The following NCOR1 variants were observed in gnomAD, a reference collection of about 807,000 sequenced individuals.
NCOR1 encodes nuclear receptor corepressor 1.
In NCOR1, 63 loss-of-function variants were observed where a neutral mutation model predicts 288.1. The observed-to-expected ratio is 0.22, with a 90% CI of 0.18 to 0.27. The LOEUF (loss-of-function observed/expected upper bound fraction) is 0.27, where lower values mean the gene tolerates loss of function less well. Ranked by LOEUF, NCOR1 falls within the 10% of genes least tolerant of loss-of-function variation. The pLI is 1.00. For missense variants in NCOR1, 2,397 were observed against 3,019.2 expected, an observed-to-expected ratio of 0.79 and a Z score of 4.83; for synonymous variants, 1,007 against 1,065.9, an observed-to-expected ratio of 0.94 and a Z score of 1.08.
rs189094126 is a variant in NCOR1, at chr17:16,044,586, C to T, written c.6679+2365G>A. ...TCACTTCATCCGGCAACTACCACCA[C>T]GTCCGGCAGCGCCAGCCCCACACTT... On this transcript the variant is annotated intron_variant, in intron 42 of 45. Coordinates refer to ENST00000268712, the MANE Select transcript of NCOR1 (RefSeq NM_006311.4). 6.2e-3 allele frequency: 3,334 copies of T among 540,852 alleles called. 21 individuals carry two copies. The highest frequency in any genetic ancestry group is 8.6e-3 in the Non-Finnish European group (2,339 of 271,122). 33.5% of individuals were successfully genotyped at this position (540,852 alleles called of 1,614,324 possible).
rs545363878 is a variant in NCOR1 at position 16,071,822 on chromosome 17, A to C, written c.3896-157T>G. On this transcript the variant is annotated intron_variant, in intron 29 of 45. Coordinates refer to ENST00000268712, the MANE Select transcript of NCOR1 (RefSeq NM_006311.4). ...CTTGACATCTTGTAGTTTCTAATTA[A>C]CTTTCTGTTTACAGTAGATCCTCAA... Among the ~76,000 whole-genome samples, 12 of 152,250 alleles carry C rather than the reference A, an allele frequency of 7.9e-5. No individual in the cohort carries two copies. In the East Asian group the frequency reaches 2.3e-3, roughly 29 times the overall value.
chr17:16,204,537 T>C (rs2091257119), intron 1 of NCOR1, among the ~76,000 whole-genome samples: 1 of 152,222 alleles, frequency 6.6e-6, no homozygotes, highest in African/African-American at 2.4e-5. Flanking sequence ...TCCTGCGATA[T>C]ACAAGCAAAC....
At chr17:16,153,613 G>C (rs1383674457) in intron 6 of NCOR1, among the ~76,000 whole-genome samples, 1 of 151,776 alleles carries the variant, frequency 6.6e-6, no homozygotes, top group African/African-American at 2.4e-5. Context: ...AAATTGTATT[G>C]TCATAGCTTT....
At chr17:16,066,611 G>C (rs987673013) in intron 32 of NCOR1, among the ~76,000 whole-genome samples, 1 of 152,152 alleles carries the variant, frequency 6.6e-6, no homozygotes, top group Non-Finnish European at 1.5e-5. Flanking sequence ...AGAAAAACAA[G>C]TAACATGTTT....
rs1433708554 is a variant in NCOR1, at chr17:16,110,355, A to C, written c.2056-1443T>G. On this transcript the variant is annotated intron_variant, in intron 18 of 45. Coordinates refer to ENST00000268712, the MANE Select transcript of NCOR1 (RefSeq NM_006311.4). ...TGGGTGACAGTGAGACTCGTTCAAAAAAAAAACAAAAAACAAAAAAACAAA... is the reference window on the plus strand; with the variant it reads ...TGGGTGACAGTGAGACTCGTTCAAACAAAAAACAAAAAACAAAAAAACAAA... Among the ~76,000 whole-genome samples, 5 of 152,082 alleles carry C rather than the reference A, an allele frequency of 3.3e-5. No homozygotes were observed. The East Asian group carries it at 9.6e-4, about 29-fold the overall frequency.
chr17:16,196,480 G>A (rs1231634571), intron 1 of NCOR1, among the ~76,000 whole-genome samples: 1 of 152,064 alleles, frequency 6.6e-6, no homozygotes, highest in African/African-American at 2.4e-5. Context: ...GACCAGTCTG[G>A]GCAATGAAGC....
chr17:16,045,184 G>A (rs1222616200), intron 42 of NCOR1, among the ~76,000 whole-genome samples: 1 of 152,154 alleles, frequency 6.6e-6, no homozygotes, highest in African/African-American at 2.4e-5. Context: ...CAGAACATTA[G>A]CTAGAATATT....
intron 27 of NCOR1, 111 bp downstream of exon 27, chr17:16,075,423 G>T: frequency 8.4e-7 from 1 of 1,192,728 alleles, no homozygotes; most frequent in Non-Finnish European, 1.2e-6. Flanking sequence ...AGAAAACATA[G>T]GCTCAGCAAA....
chr17:16,038,457 G>C (rs1235928176), intron 44 of NCOR1, among the ~76,000 whole-genome samples: 1 of 149,572 alleles, frequency 6.7e-6, no homozygotes, highest in Non-Finnish European at 1.5e-5. Flanking sequence ...CCTTTTTTGA[G>C]ACAGGGTCTC....
intron 1 of NCOR1, among the ~76,000 whole-genome samples, chr17:16,209,110 C>A (rs900544910): frequency 3.3e-5 from 5 of 151,920 alleles, no homozygotes; most frequent in African/African-American, 1.2e-4. Context: ...AAAGGGCTTA[C>A]GGTCTAGAGG....
chr17:16,084,807 T>C (rs941434228), intron 23 of NCOR1, among the ~76,000 whole-genome samples: 5 of 152,212 alleles, frequency 3.3e-5, no homozygotes, highest in Admixed American at 3.3e-4. Context: ...AAAAATTAAT[T>C]TGAGACTGGT....
intron 1 of NCOR1, among the ~76,000 whole-genome samples, chr17:16,210,345 T>C (rs770929381): frequency 2.6e-5 from 4 of 151,074 alleles, no homozygotes; most frequent in South Asian, 2.1e-4. Context: ...GACAGCGCCA[T>C]TGCACTCCAG....
chr17:16,164,623 C>T lies in NCOR1; in HGVS notation c.618+356G>A, dbSNP rs59952700. On this transcript the variant is annotated intron_variant, in intron 5 of 45. Coordinates refer to ENST00000268712, the MANE Select transcript of NCOR1 (RefSeq NM_006311.4). ...TACTTCTTAGCAAATTTAGTATCAT[C>T]TATTAAATAGTTCACTGTACATAAT... Among the ~76,000 whole-genome samples, 1,204 of 152,202 alleles carry T rather than the reference C, an allele frequency of 7.9e-3. 15 individuals are homozygous for T. Among genetic ancestry groups the T allele is most frequent in the African/African-American group, 0.028 (1,159 of 41,514 alleles).
rs1374674772 is a variant in NCOR1, at chr17:16,029,623, C to A, written c.*2673G>T. Reference sequence around the variant, plus strand: ...AGTGTCAGAACACTGAAATCTAAGTCTACAAAGAATATCATGTTTTGGTTT... The same window carrying A: ...AGTGTCAGAACACTGAAATCTAAGTATACAAAGAATATCATGTTTTGGTTT... On this transcript the variant is annotated 3_prime_UTR_variant, in exon 46 of 46. Coordinates refer to ENST00000268712, the MANE Select transcript of NCOR1 (RefSeq NM_006311.4). 1 of 174,252 alleles carries A rather than the reference C, an allele frequency of 5.7e-6. No homozygotes were observed. The highest frequency in any genetic ancestry group is 1.2e-5 in the Non-Finnish European group (1 of 81,188). The allele number at this position is 174,252 out of a possible 1,614,324, so 10.8% of individuals were successfully genotyped here.
intron 23 of NCOR1, among the ~76,000 whole-genome samples, chr17:16,085,432 T>C (rs2064074981): frequency 6.6e-6 from 1 of 152,170 alleles, no homozygotes; most frequent in Non-Finnish European, 1.5e-5. Context: ...ATTACAAGAA[T>C]GACCAGCTTT....
chr17:16,057,751 A>T lies in NCOR1; in HGVS notation c.6169-14T>A. On this transcript the variant is annotated splice_polypyrimidine_tract_variant and intron_variant, in intron 39 of 45. Coordinates refer to ENST00000268712, the MANE Select transcript of NCOR1 (RefSeq NM_006311.4). Reference sequence around the variant, plus strand: ...TGTGATAATTTGCTGTGAATGAGAAATGAAGGAAGTGGTAAAATTCATTGA... The same window carrying T: ...TGTGATAATTTGCTGTGAATGAGAATTGAAGGAAGTGGTAAAATTCATTGA... 1 of 1,611,120 alleles carries T rather than the reference A, an allele frequency of 6.2e-7. No individual in the cohort carries two copies. Among genetic ancestry groups the T allele is most frequent in the Non-Finnish European group, 8.5e-7 (1 of 1,177,726 alleles).
chr17:16,030,841 C>G lies in NCOR1; in HGVS notation c.*1455G>C, dbSNP rs1055709371. 1.6e-5 allele frequency: 3 copies of G among 185,872 alleles called. No individual in the cohort carries two copies. The highest frequency in any genetic ancestry group is 7.0e-5 in the African/African-American group (3 of 42,730). 11.5% of individuals were successfully genotyped at this position (185,872 alleles called of 1,614,324 possible). Reference sequence around the variant, plus strand: ...GAGGGTCTTGGTCAGTAGCTAATCACAGAGCTGCTTCCTTAAAAGCCTTGA... The same window carrying G: ...GAGGGTCTTGGTCAGTAGCTAATCAGAGAGCTGCTTCCTTAAAAGCCTTGA... On this transcript the variant is annotated 3_prime_UTR_variant, in exon 46 of 46. Transcript: ENST00000268712.
chr17:16,092,725 G>C, intron 21 of NCOR1, among the ~76,000 whole-genome samples: 1 of 89,966 alleles, frequency 1.1e-5, no homozygotes. Context: ...TTAAGACATA[G>C]TCTCACTCTG....
In NCOR1 at chr17:16,032,497, AATT is replaced by A; in HGVS notation, c.7136-17_7136-15del. 6.4e-7 allele frequency: 1 copy of A among 1,562,308 alleles called. No individual in the cohort carries two copies. Among genetic ancestry groups the A allele is most frequent in the Non-Finnish European group, 8.6e-7 (1 of 1,157,128 alleles). ...ACTGAGTTGAGCCTGACAAAAGAAA[AATT>A]AGGTTTTCATTGTCATGAACATAAC... is the stretch of plus-strand genomic sequence containing the variant. On this transcript the variant is annotated splice_polypyrimidine_tract_variant and intron_variant, in intron 45 of 45. Coordinates refer to ENST00000268712, the MANE Select transcript of NCOR1 (RefSeq NM_006311.4).
Sources: allele counts gnomAD v4.1 joint callset (sites outside exome capture counted in the v4.1 genomes callset), GRCh38; gene constraint gnomAD v4.1.1; transcripts MANE v1.5; gene names NCBI Gene and HGNC (gene_info 2026-07-23, HGNC 2026-07-21).